Variants in UGT1A3 observed in about 807,000 individuals in gnomAD.
UGT1A3 encodes the protein UDP glucuronosyltransferase family 1 member A3.
A neutral mutation model predicts 41.0 loss-of-function variants in UGT1A3; 31 were observed. The observed-to-expected ratio is 0.76, with a 90% confidence interval of 0.57 to 1.02. The LOEUF is 1.02. UGT1A3 is among the 50% of genes least tolerant of loss of function. The probability of loss-of-function intolerance (pLI) is 0.00; values close to 1 mark genes in which losing one functional copy is unlikely to be tolerated. For missense variants in UGT1A3, 737 were observed against 671.0 expected, an observed-to-expected ratio of 1.10 and a Z score of -1.09; for synonymous variants, 262 against 257.6, an observed-to-expected ratio of 1.02 and a Z score of -0.17.
chr2:233,756,397 G>C (rs553407927), intron 1 of UGT1A3: 1 of 151,856 alleles, frequency 6.6e-6, no homozygotes. Flanking sequence ...TACAGTATTG[G>C]TTTTTTATTT....
intron 1 of UGT1A3, chr2:233,750,722 T>C (rs1694546738): frequency 6.6e-6 from 1 of 151,960 alleles, no homozygotes; most frequent in South Asian, 2.1e-4. Context: ...AGGCCATTGC[T>C]TCAGAGGGTG....
intron 1 of UGT1A3, among the ~76,000 whole-genome samples, chr2:233,762,456 GATA>G (rs1312099964): frequency 6.6e-6 from 1 of 152,130 alleles, no homozygotes; most frequent in African/African-American, 2.4e-5. Flanking sequence ...CCCACTTACC[GATA>G]ATGTCATGGA....
chr2:233,750,227 A>G (rs977533582), intron 1 of UGT1A3, among the ~76,000 whole-genome samples: 2 of 151,900 alleles, frequency 1.3e-5, no homozygotes, highest in African/African-American at 4.9e-5. Context: ...GAGATGAGGA[A>G]CTTATTGGGA....
Position 233,729,398 on chromosome 2 carries a change from G to C in UGT1A3, c.272G>C (p.Arg91Pro), listed in dbSNP as rs540607993. The C allele has an allele frequency of 2.5e-6, 4 of 1,613,536 alleles. No homozygotes were observed. The Admixed American group carries it at 5.0e-5, about 20-fold the overall frequency. ...TCGTGGACCCAGGATGAATTTGATCGCCATGTGCTGGGCCACACTCAACTG... is the reference window on the plus strand; with the variant it reads ...TCGTGGACCCAGGATGAATTTGATCCCCATGTGCTGGGCCACACTCAACTG... ...AISWTQDEFDRHVLGHTQLYF... is the reference protein window; with the variant it reads ...AISWTQDEFDPHVLGHTQLYF... Residue 91 changes from arginine to proline, a missense_variant, in exon 1 of 5, where the codon CGC becomes CCC. Transcript: ENST00000482026.
At chr2:233,770,651 C>A (rs1700124792) in intron 4 of UGT1A3, 1 of 150,460 alleles carries the variant, frequency 6.6e-6, no homozygotes, top group Middle Eastern at 3.2e-3. Context: ...GAGTGAGACT[C>A]CGTCTTACTT....
At chr2:233,748,103 A>G in intron 1 of UGT1A3, 1 of 1,612,606 alleles carries the variant, frequency 6.2e-7, no homozygotes, top group Non-Finnish European at 8.5e-7. Context: ...CCTTCATCCA[A>G]TCAATGTTCC....
chr2:233,746,540 T>G (rs1172057692), intron 1 of UGT1A3, among the ~76,000 whole-genome samples: 2 of 151,806 alleles, frequency 1.3e-5, no homozygotes, highest in Admixed American at 6.5e-5. Context: ...TGCCCTGCTG[T>G]GTGACTTCTT....
rs542172440 is a variant in UGT1A3 at position 233,772,689 on chromosome 2, A to C, written c.*130A>C. ...CTTTGCATAAATTAATCAGCCCCAG[A>C]GTGCTTTAAAAAATTCTCTTAAATA... On this transcript the variant is annotated 3_prime_UTR_variant, in exon 5 of 5. Transcript: ENST00000482026. 4.0e-6 allele frequency: 6 copies of C among 1,492,458 alleles called. No homozygotes were observed. In the African/African-American group the frequency reaches 8.5e-5, roughly 21 times the overall value. 92.5% of individuals were successfully genotyped at this position (1,492,458 alleles called of 1,614,324 possible). A position where few individuals can be genotyped will look rare whatever the true frequency, so the allele number is the denominator to read the frequency against.
chr2:233,745,917 G>A (rs976773367), intron 1 of UGT1A3, among the ~76,000 whole-genome samples: 1 of 151,628 alleles, frequency 6.6e-6, no homozygotes, highest in Non-Finnish European at 1.5e-5. Flanking sequence ...AGCTGAGGCA[G>A]TGATTCAGAA....
chr2:233,767,027 G>A lies in UGT1A3; in HGVS notation c.868-7G>A, dbSNP rs753107729. The A allele has an allele frequency of 3.1e-6, 5 of 1,613,804 alleles. No individual in the cohort carries two copies. Among genetic ancestry groups the A allele is most frequent in the Non-Finnish European group, 4.2e-6 (5 of 1,179,992 alleles). On this transcript the variant is annotated splice_region_variant and splice_polypyrimidine_tract_variant and intron_variant, in intron 1 of 4. Coordinates refer to ENST00000482026, the MANE Select transcript of UGT1A3 (RefSeq NM_019093.4). ...AAATTAACTGAAAATTTTTCTTCTG[G>A]CTCTAGGAATTTGAAGCCTACATTA...
In UGT1A3 at chr2:233,769,168, C is replaced by T. The variant is rs1699803234; in HGVS notation, c.1307+729C>T. Among the ~76,000 whole-genome samples the T allele has an allele frequency of 6.6e-6, 1 of 152,082 alleles. No individual in the cohort carries two copies. Among genetic ancestry groups the T allele is most frequent in the Non-Finnish European group, 1.5e-5 (1 of 68,026 alleles). The stretch of plus-strand genomic sequence containing the variant: ...ACTGGAACCTGTGAGAAATTTTGTC[C>T]ATGGAGTTTATGAATGAAGGAGCTA... On this transcript the variant is annotated intron_variant, in intron 4 of 4. Coordinates refer to ENST00000482026, the MANE Select transcript of UGT1A3 (RefSeq NM_019093.4). The surrounding 1 kb of genome is among the most constrained non-coding windows in gnomAD (Gnocchi z 4.4).
At chr2:233,770,522 G>A (rs1294728713) in intron 4 of UGT1A3, 1 of 152,120 alleles carries the variant, frequency 6.6e-6, no homozygotes. Context: ...CCCAGGCATG[G>A]TGGTGTATGC....
At chr2:233,756,094 T>C (rs908379674) in intron 1 of UGT1A3, 2 of 152,220 alleles carry the variant, frequency 1.3e-5, no homozygotes, top group African/African-American at 4.8e-5. Flanking sequence ...CAAGTAACAT[T>C]ATTACGGAAA....
chr2:233,750,979 T>C (rs1345929720), intron 1 of UGT1A3, among the ~76,000 whole-genome samples: 3 of 151,782 alleles, frequency 2.0e-5, no homozygotes, highest in Admixed American at 6.5e-5. Context: ...AGTGGAGTTG[T>C]GAGAAGGCGG....
chr2:233,729,534 C>T lies in UGT1A3; in HGVS notation c.408C>T (p.Ala136=), dbSNP rs1281653425. The change falls in exon 1 of 5, where the codon GCC becomes GCT. Residue 136 remains alanine (A), a synonymous_variant. Coordinates refer to ENST00000482026, the MANE Select transcript of UGT1A3 (RefSeq NM_019093.4). ...RSCVELLHNE[A]LIRHLNATSF... is the part of the protein sequence containing the mutation. ...GTGTGGAGCTACTACATAATGAGGC[C>T]CTGATCAGGCACCTGAATGCTACTT... 6.2e-7 allele frequency: 1 copy of T among 1,614,090 alleles called. No individual in the cohort carries two copies. The highest frequency in any genetic ancestry group is 8.5e-7 in the Non-Finnish European group (1 of 1,180,024).
intron 3 of UGT1A3, 102 bp from the exon 4 acceptor site, chr2:233,768,118 G>A (rs1575832144): frequency 6.2e-7 from 1 of 1,600,328 alleles, no homozygotes; most frequent in South Asian, 1.1e-5. Context: ...GCAAGGGCAT[G>A]TGAGTAACAC....
At chr2:233,738,545 C>T (rs1690821888) in intron 1 of UGT1A3, among the ~76,000 whole-genome samples, 1 of 152,164 alleles carries the variant, frequency 6.6e-6, no homozygotes, top group South Asian at 2.1e-4. Flanking sequence ...GGCTGAGTCT[C>T]AGATAGAGAT....
rs1357071651 is a variant in UGT1A3, at chr2:233,768,553, A to G, written c.1307+114A>G. The G allele has an allele frequency of 2.0e-6, 3 of 1,477,264 alleles. No individual in the cohort carries two copies. The Admixed American group carries it at 8.1e-5, about 40-fold the overall frequency. 91.5% of individuals were successfully genotyped at this position (1,477,264 alleles called of 1,614,324 possible). A position where few individuals can be genotyped will look rare whatever the true frequency, so the allele number is the denominator to read the frequency against. On this transcript the variant is annotated intron_variant, in intron 4 of 4. Coordinates refer to ENST00000482026, the MANE Select transcript of UGT1A3 (RefSeq NM_019093.4). ...AGCGTTGTTTCAAATATAAAAACAA[A>G]TACATAAAAATCTGGATTTTTATTT...
At chr2:233,754,577 C>T (rs1133490) in intron 1 of UGT1A3, 2 of 424,484 alleles carry the variant, frequency 4.7e-6, no homozygotes, top group Non-Finnish European at 9.4e-6. Context: ...TGCTCTATGC[C>T]GTTTATTATG....
Sources: gnomAD v4.1 joint callset for allele counts (sites outside exome capture counted in the v4.1 genomes callset) on GRCh38, gnomAD v4.1.1 for gene constraint, Gnocchi (gnomAD v3.1) non-coding constraint, MANE v1.5 for transcripts, NCBI Gene and HGNC (gene_info 2026-07-23, HGNC 2026-07-21) for gene names.